The following ACP6 variants were observed in gnomAD, a reference collection of about 807,000 sequenced individuals.
The protein encoded by ACP6 is acid phosphatase 6, lysophosphatidic, also known as lysophosphatidic acid phosphatase type 6.
In ACP6, 48 loss-of-function variants were observed where a neutral mutation model predicts 48.1. The observed-to-expected ratio is 1.00, with a 90% CI of 0.79 to 1.27. ACP6 has a LOEUF of 1.27. Ranked by LOEUF, ACP6 falls within the 50% of genes most tolerant of loss-of-function variation. The pLI, the probability that ACP6 is intolerant of heterozygous loss-of-function variation, is 0.00. For synonymous variants in ACP6, 172 were observed against 204.2 expected (o/e 0.84, Z 1.34); for missense variants, 485 against 529.1 (o/e 0.92, Z 0.82).
chr1:147,656,531 T>A (rs587770927), intron 4 of ACP6, among the ~76,000 whole-genome samples: 2 of 152,300 alleles, frequency 1.3e-5, no homozygotes, highest in African/African-American at 4.8e-5. Context: ...GATATACATG[T>A]CCTCAAATAA....
Position 147,648,236 on chromosome 1 carries a change from G to A in ACP6, c.1143+10C>T. ...CTCACCACCACCCAACCCCACCTCA[G>A]GGGTATTACCTTCCCGTGGTAATAG... On this transcript the variant is annotated intron_variant, in intron 9 of 9. Transcript: ENST00000583509. The A allele has an allele frequency of 2.5e-6, 4 of 1,613,954 alleles. No individual in the cohort carries two copies. The highest frequency in any genetic ancestry group is 3.4e-6 in the Non-Finnish European group (4 of 1,179,910).
chr1:147,641,653 A>G (rs1459455094), downstream of ACP6, among the ~76,000 whole-genome samples: 1 of 152,238 alleles, frequency 6.6e-6, no homozygotes, highest in African/African-American at 2.4e-5. Flanking sequence ...CAGGTTAGGA[A>G]TTTATGAAGA....
chr1:147,664,810 A>G (rs2148916361), intron 1 of ACP6, among the ~76,000 whole-genome samples: 1 of 152,342 alleles, frequency 6.6e-6, no homozygotes, highest in South Asian at 2.1e-4. Flanking sequence ...GCTGCAAGAA[A>G]CCATATGAAG....
chr1:147,650,165 CA>C lies in ACP6; in HGVS notation c.954del (p.Ala319ProfsTer18), dbSNP rs1659841885. On this transcript the variant is annotated frameshift_variant, in exon 8 of 10. Transcript: ENST00000583509. LOFTEE classifies it high-confidence loss of function. Reference protein sequence around the residue: ...LESNLLKAMDSATAPDKIRKL... With the variant: ...LESNLLKAMDXATAPDKIRKL... ...TACCTGATCTTGTCGGGGGCAGTGGCAGAGTCCATGGCTTTCAGCAGGTTGC... is the reference window on the plus strand; with the variant it reads ...TACCTGATCTTGTCGGGGGCAGTGGCGAGTCCATGGCTTTCAGCAGGTTGC... 1.2e-6 allele frequency: 2 copies of C among 1,607,016 alleles called. No homozygotes were observed. Among genetic ancestry groups the C allele is most frequent in the Admixed American group, 3.4e-5 (2 of 58,918 alleles).
At chr1:147,659,212 G>A in intron 3 of ACP6, 173 bp from the exon 4 acceptor site, 1 of 1,038,308 alleles carries the variant, frequency 9.6e-7, no homozygotes, top group Non-Finnish European at 1.4e-6. Flanking sequence ...GACTCGAAGT[G>A]CAATGAATGC....
chr1:147,658,989 A>C lies in ACP6; in HGVS notation c.530T>G (p.Leu177Arg), dbSNP rs782151151. Residue 177 changes from leucine (L) to arginine (R), a missense_variant, in exon 4 of 10, where the codon CTG becomes CGG. Physicochemically the swap from Leu to Arg is moderately radical, Grantham distance 102. Transcript: ENST00000583509. ...FRNLESTRCL[L>R]AGLFQCQKEG... ...TTTCTGACACTGGAAAAGCCCAGCC[A>C]GCAAACAACGGGTGGACTCCAGATT... 1.2e-6 allele frequency: 2 copies of C among 1,612,796 alleles called. No homozygotes were observed. Among genetic ancestry groups the C allele is most frequent in the Non-Finnish European group, 1.7e-6 (2 of 1,179,092 alleles).
At chr1:147,634,083 A>G (rs1386042954) in intron 5 of ACP6, among the ~76,000 whole-genome samples, 1 of 152,212 alleles carries the variant, frequency 6.6e-6, no homozygotes, top group Non-Finnish European at 1.5e-5. Flanking sequence ...CAAGTGCTGC[A>G]CCATTTTGCA....
At chr1:147,658,163 G>T (rs1553212031) in intron 4 of ACP6, among the ~76,000 whole-genome samples, 1 of 152,192 alleles carries the variant, frequency 6.6e-6, no homozygotes, top group African/African-American at 2.4e-5. Context: ...CCAGTTGAGG[G>T]CAAGACCAGA....
At chr1:147,668,067 G>C (rs1553213943) in intron 1 of ACP6, among the ~76,000 whole-genome samples, 1 of 152,018 alleles carries the variant, frequency 6.6e-6, no homozygotes, top group East Asian at 1.9e-4. Flanking sequence ...CCAGAAACAA[G>C]TTTTAAGAGG....
chr1:147,665,500 A>AT (rs1660751123), intron 1 of ACP6, among the ~76,000 whole-genome samples: 1 of 152,224 alleles, frequency 6.6e-6, no homozygotes, highest in African/African-American at 2.4e-5. Flanking sequence ...CAAGACAGAA[A>AT]AACAGGTGGA....
In ACP6 at chr1:147,648,170, C is replaced by T. The variant is rs1241067253; in HGVS notation, c.1143+76G>A. On this transcript the variant is annotated intron_variant, in intron 9 of 9. Coordinates refer to ENST00000583509, the MANE Select transcript of ACP6 (RefSeq NM_016361.5). ...ACTCCACTGGGCCTGAGGAGGGAGACTTGGTGCTAACTCAGGTAGGTGGGT... is the reference window on the plus strand; with the variant it reads ...ACTCCACTGGGCCTGAGGAGGGAGATTTGGTGCTAACTCAGGTAGGTGGGT... 3.2e-6 allele frequency: 5 copies of T among 1,548,682 alleles called. No homozygotes were observed. The East Asian group carries it at 1.1e-4, about 35-fold the overall frequency.
chr1:147,670,119 G>A lies in ACP6; in HGVS notation c.-71C>T. The A allele has an allele frequency of 7.3e-7, 1 of 1,375,372 alleles. No homozygotes were observed. Among genetic ancestry groups the A allele is most frequent in the Admixed American group, 2.8e-5 (1 of 36,186 alleles). The allele number at this position is 1,375,372 out of a possible 1,614,324, so 85.2% of individuals were successfully genotyped here. A position where few individuals can be genotyped will look rare whatever the true frequency, so the allele number is the denominator to read the frequency against. The stretch of plus-strand genomic sequence containing the variant: ...AACACAAGTCTTCTGCGGGCGCCGG[G>A]GCTCAGCGGGCGCCCCCAAGTCCGC... On this transcript the variant is annotated 5_prime_UTR_variant, in exon 1 of 10. Coordinates refer to ENST00000583509, the MANE Select transcript of ACP6 (RefSeq NM_016361.5).
chr1:147,657,852 C>T (rs1403154545), intron 4 of ACP6, among the ~76,000 whole-genome samples: 1 of 152,222 alleles, frequency 6.6e-6, no homozygotes, highest in African/African-American at 2.4e-5. Context: ...GCACCTGAGG[C>T]TAGTGATTTC....
At chr1:147,664,556 C>A (rs2148916133) in intron 1 of ACP6, among the ~76,000 whole-genome samples, 1 of 152,280 alleles carries the variant, frequency 6.6e-6, no homozygotes, top group Non-Finnish European at 1.5e-5. Context: ...TAAACGAGCT[C>A]CTTTACTGGT....
intron 7 of ACP6, chr1:147,651,453 T>C (rs1553210511): frequency 6.6e-6 from 1 of 152,210 alleles, no homozygotes; most frequent in African/African-American, 2.4e-5. Context: ...TGAGTAGTTG[T>C]AACAGAAATT....
In ACP6 at chr1:147,635,751, TGA is replaced by T. The variant is rs1435933614; in HGVS notation, c.461-4688_461-4687del. On this transcript the variant is annotated intron_variant, in intron 5 of 5. Coordinates refer to the ACP6 transcript ENST00000609196. ...AATATAGATTATTTCTCTATGGGAGTGAGAGAATAGAGAGCCAAGTGGAGGGC... is the reference window on the plus strand; with the variant it reads ...AATATAGATTATTTCTCTATGGGAGTGAGAATAGAGAGCCAAGTGGAGGGC... 4.0e-5 allele frequency among the ~76,000 whole-genome samples: 6 copies of T among 151,790 alleles called. No homozygotes were observed. In the East Asian group the frequency reaches 1.2e-3, roughly 29 times the overall value.
At chr1:147,647,903 G>A in intron 9 of ACP6, 1 of 488,532 alleles carries the variant, frequency 2.0e-6, no homozygotes, top group Non-Finnish European at 3.7e-6. Context: ...GCTAACAGCA[G>A]CACACATCAC....
intron 8 of ACP6, 87 bp downstream of exon 8, chr1:147,650,056 T>C (rs1659835983): frequency 3.6e-6 from 4 of 1,126,634 alleles, no homozygotes; most frequent in Non-Finnish European, 5.2e-6. Flanking sequence ...GCCTGGTTCT[T>C]GCCTCACTAA....
intron 1 of ACP6, among the ~76,000 whole-genome samples, chr1:147,664,069 T>A (rs1660680468): frequency 6.6e-6 from 1 of 152,166 alleles, no homozygotes; most frequent in Non-Finnish European, 1.5e-5. Context: ...TCTTGGCATC[T>A]AGGGAGCCCT....
Sources: gnomAD v4.1 joint callset for allele counts (sites outside exome capture counted in the v4.1 genomes callset) on GRCh38, gnomAD v4.1.1 for gene constraint, MANE v1.5 for transcripts, NCBI Gene and HGNC (gene_info 2026-07-23, HGNC 2026-07-21) for gene names.